Variants in MTA3 observed in about 807,000 individuals in gnomAD.
The protein encoded by MTA3 is metastasis-associated protein MTA3.
In MTA3, 34 loss-of-function variants were observed where a neutral mutation model predicts 83.5. The ratio of observed to expected loss-of-function variants is 0.41; its 90% CI spans 0.31 to 0.54. MTA3 has a LOEUF of 0.54. MTA3 is among the 20% of genes least tolerant of loss of function. The probability of loss-of-function intolerance (pLI) is 0.33; values close to 1 mark genes in which losing one functional copy is unlikely to be tolerated. For missense variants in MTA3, 761 were observed against 726.4 expected, an observed-to-expected ratio of 1.05 and a Z score of -0.55; for synonymous variants, 303 against 252.7, an observed-to-expected ratio of 1.20 and a Z score of -1.89.
intron 16 of MTA3, among the ~76,000 whole-genome samples, chr2:42,744,838 C>T (rs1194938360): frequency 6.6e-6 from 1 of 152,200 alleles, no homozygotes; most frequent in Non-Finnish European, 1.5e-5. Flanking sequence ...AGAACAACCC[C>T]AGAAACCAAT....
At chr2:42,656,175 C>T in intron 6 of MTA3, 25 bp from the exon 7 acceptor site, 1 of 1,550,728 alleles carries the variant, frequency 6.4e-7, no homozygotes, top group East Asian at 2.2e-5. Context: ...AGTAACAAGA[C>T]TCCATTTTAT....
intron 9 of MTA3, among the ~76,000 whole-genome samples, chr2:42,689,797 G>A (rs1340034554): frequency 9.0e-6 from 1 of 111,338 alleles, no homozygotes; most frequent in Admixed American, 9.4e-5. Flanking sequence ...CTTTTTTCTT[G>A]ATCAGTCTGG....
At chr2:42,517,923 C>T (rs978332140) in intron 2 of MTA3, among the ~76,000 whole-genome samples, 7 of 151,050 alleles carry the variant, frequency 4.6e-5, no homozygotes, top group Non-Finnish European at 8.8e-5. Context: ...TGGTGGCTCA[C>T]GCCTGTAATC....
intron 16 of MTA3, among the ~76,000 whole-genome samples, chr2:42,735,768 T>C (rs1221993445): frequency 1.3e-5 from 2 of 152,256 alleles, no homozygotes; most frequent in Non-Finnish European, 2.9e-5. Context: ...TTTTTCAGTA[T>C]GTCAATTGCA....
chr2:42,594,653 AAT>A (rs72382739), intron 3 of MTA3, among the ~76,000 whole-genome samples: 90,495 of 123,840 alleles, frequency 0.73, 33,406 homozygotes, highest in South Asian at 0.87. Flanking sequence ...TATATATATA[AAT>A]ATATATATAC....
At chr2:42,607,498 G>A (rs542961223) in intron 3 of MTA3, among the ~76,000 whole-genome samples, 52 of 152,098 alleles carry the variant, frequency 3.4e-4, no homozygotes, top group Non-Finnish European at 6.9e-4. Flanking sequence ...TCCTACATCA[G>A]TCTCTGAGTA....
intron 8 of MTA3, among the ~76,000 whole-genome samples, chr2:42,660,727 G>C (rs994780970): frequency 1.3e-5 from 2 of 152,082 alleles, no homozygotes; most frequent in African/African-American, 4.8e-5. Flanking sequence ...TTTCAATATT[G>C]TTTTCTAATG....
intron 16 of MTA3, among the ~76,000 whole-genome samples, chr2:42,744,340 C>G (rs1218662043): frequency 1.3e-5 from 2 of 152,200 alleles, no homozygotes; most frequent in Admixed American, 6.5e-5. Flanking sequence ...ATCACAGCTT[C>G]TCCCAGAGAG....
rs1458525782 is a variant in MTA3, at chr2:42,722,948, A to G, written c.1672A>G (p.Thr558Ala). 9.7e-6 allele frequency: 15 copies of G among 1,551,098 alleles called. No individual in the cohort carries two copies. Among genetic ancestry groups the G allele is most frequent in the African/African-American group, 5.5e-5 (4 of 73,060 alleles). Reference protein sequence around the residue: ...IRSTPSLQTPTTKRMLTTPNH... With the variant: ...IRSTPSLQTPATKRMLTTPNH... ...ATCTACACCAAGCCTGCAAACCCCA[A>G]CTACCAAGCGGATGCTAACAACTCC... The change falls in exon 16 of 17, where the codon ACT becomes GCT. Residue 558 changes from threonine to alanine, a missense_variant. By Grantham distance (58) the Thr-to-Ala change is moderately conservative (BLOSUM62 0). Coordinates refer to ENST00000405094, the MANE Select transcript of MTA3 (RefSeq NM_001330442.2).
chr2:42,695,783 A>G lies in MTA3; in HGVS notation c.910A>G (p.Thr304Ala). The stretch of plus-strand genomic sequence containing the variant: ...TTTTCAGCTTCCTTGGAAATCATTG[A>G]CTAGCATCATTGAATATTATTACAT... Reference protein sequence around the residue: ...RQDFLPWKSLTSIIEYYYMWK... With the variant: ...RQDFLPWKSLASIIEYYYMWK... Residue 304 changes from threonine to alanine, a missense_variant, in exon 10 of 17, where the codon ACT becomes GCT. Coordinates refer to ENST00000405094, the MANE Select transcript of MTA3 (RefSeq NM_001330442.2). 6.4e-7 allele frequency: 1 copy of G among 1,573,422 alleles called. No individual in the cohort carries two copies. The highest frequency in any genetic ancestry group is 1.2e-5 in the South Asian group (1 of 83,930).
chr2:42,679,524 G>C (rs561273836), intron 8 of MTA3, among the ~76,000 whole-genome samples: 1 of 152,308 alleles, frequency 6.6e-6, no homozygotes, highest in African/African-American at 2.4e-5. Flanking sequence ...TCAGACTTCT[G>C]ACTGGCACAC....
At chr2:42,614,451 C>T (rs1684610113) in intron 4 of MTA3, among the ~76,000 whole-genome samples, 1 of 152,162 alleles carries the variant, frequency 6.6e-6, no homozygotes, top group African/African-American at 2.4e-5. Context: ...TATCATCTGA[C>T]TTACAAATAT....
chr2:42,753,640 G>C lies in MTA3; in HGVS notation c.*241G>C. On this transcript the variant is annotated 3_prime_UTR_variant, in exon 17 of 17. Transcript: ENST00000405094. Reference sequence around the variant, plus strand: ...TTGTCAGAGACCTCGCTGTTACGGAGCGAGACCTGCTGAGAATTGAGGGGC... The same window carrying C: ...TTGTCAGAGACCTCGCTGTTACGGACCGAGACCTGCTGAGAATTGAGGGGC... 7.5e-7 allele frequency: 1 copy of C among 1,330,574 alleles called. No homozygotes were observed. The highest frequency in any genetic ancestry group is 9.6e-7 in the Non-Finnish European group (1 of 1,036,294). The allele number at this position is 1,330,574 out of a possible 1,614,324, so 82.4% of individuals were successfully genotyped here.
chr2:42,520,048 A>C (rs1389588312), intron 2 of MTA3, among the ~76,000 whole-genome samples: 3 of 152,170 alleles, frequency 2.0e-5, no homozygotes, highest in African/African-American at 7.2e-5. Flanking sequence ...GTCTCAAAAA[A>C]AATAAATAAA....
intron 2 of MTA3, among the ~76,000 whole-genome samples, chr2:42,526,883 G>C (rs1488237051): frequency 6.6e-6 from 1 of 151,650 alleles, no homozygotes; most frequent in Non-Finnish European, 1.5e-5. Context: ...GTGAAACCCC[G>C]TCTCTACTAA....
At chr2:42,663,281 G>T (rs1008694936) in intron 8 of MTA3, among the ~76,000 whole-genome samples, 1 of 152,190 alleles carries the variant, frequency 6.6e-6, no homozygotes, top group African/African-American at 2.4e-5. Context: ...GAGAGGGCCT[G>T]TGTGGGCTCT....
At chr2:42,606,489 G>C (rs1683431542) in intron 3 of MTA3, among the ~76,000 whole-genome samples, 1 of 149,478 alleles carries the variant, frequency 6.7e-6, no homozygotes, top group South Asian at 2.1e-4. Context: ...ATGTGCGGCC[G>C]GGCAGAGACG....
Position 42,709,039 on chromosome 2 carries a change from C to T in MTA3, c.1468C>T (p.Arg490Trp), listed in dbSNP as rs373146296. Residue 490 changes from arginine to tryptophan, a missense_variant, in exon 14 of 17, where the codon CGG becomes TGG. Arg to Trp is a moderately radical substitution (Grantham distance 101, BLOSUM62 -3). Transcript: ENST00000405094. ...RQVCKNTLRL[R>W]QAARRPFVAI... ...GGTCTGCAAAAATACCCTCCGGCTG[C>T]GGCAGGCAGCAAGACGGCCGTTTGT... The T allele has an allele frequency of 2.5e-5, 40 of 1,613,738 alleles. No individual in the cohort carries two copies. The highest frequency in any genetic ancestry group is 1.3e-4 in the Admixed American group (8 of 59,976).
At chr2:42,575,318 C>T (rs139743965) in intron 2 of MTA3, among the ~76,000 whole-genome samples, 1,705 of 152,270 alleles carry the variant, frequency 0.011, 30 homozygotes, top group African/African-American at 0.038. Flanking sequence ...GTGTCAGCTG[C>T]AGTGATCTTT....
Sources: gnomAD v4.1 joint callset for allele counts (sites outside exome capture counted in the v4.1 genomes callset) on GRCh38, gnomAD v4.1.1 for gene constraint, MANE v1.5 for transcripts, NCBI Gene and HGNC (gene_info 2026-07-23, HGNC 2026-07-21) for gene names.